PRDM6: variants seen among roughly 807,000 people sequenced by gnomAD.
The protein encoded by PRDM6 is PR/SET domain 6, also known as putative histone-lysine N-methyltransferase PRDM6.
PRDM6 carries 25 observed loss-of-function variants against 60.8 expected under a neutral mutation model. The observed-to-expected ratio is 0.41, with a 90% CI of 0.30 to 0.57. The LOEUF is 0.57. Among genes scored for constraint, PRDM6 ranks in the 20% least tolerant of loss-of-function variants. The probability of loss-of-function intolerance (pLI) is 0.27; values close to 1 mark genes in which losing one functional copy is unlikely to be tolerated. For synonymous variants in PRDM6, 407 were observed against 357.4 expected (o/e 1.14, Z -1.57); for missense variants, 839 against 821.3 (o/e 1.02, Z -0.26).
At chr5:123,177,479 A>G (rs1766043773) in intron 6 of PRDM6, among the ~76,000 whole-genome samples, 1 of 152,212 alleles carries the variant, frequency 6.6e-6, no homozygotes. Context: ...CCTAAGAATG[A>G]AGGAATATTG....
chr5:123,149,999 G>A (rs547985516), intron 3 of PRDM6, among the ~76,000 whole-genome samples: 1 of 152,176 alleles, frequency 6.6e-6, no homozygotes, highest in East Asian at 1.9e-4. Context: ...AATATATTGT[G>A]GCCAGTGTCC....
chr5:123,097,646 A>C (rs1416177611), intron 2 of PRDM6, among the ~76,000 whole-genome samples: 1 of 152,000 alleles, frequency 6.6e-6, no homozygotes, highest in East Asian at 1.9e-4. Flanking sequence ...ACAATCAATA[A>C]GCTTGAGAGG....
chr5:123,167,266 C>G (rs1191448015), intron 5 of PRDM6, among the ~76,000 whole-genome samples: 1 of 152,094 alleles, frequency 6.6e-6, no homozygotes, highest in Non-Finnish European at 1.5e-5. Context: ...TTCTACCAAA[C>G]TGTAAATTTC....
In PRDM6 at chr5:123,094,103, G is replaced by GT. The variant is rs753207118; in HGVS notation, c.592+3500dup. Among the ~76,000 whole-genome samples the GT allele has an allele frequency of 2.6e-4, 39 of 152,112 alleles. 1 individual carries two copies. The highest frequency in any genetic ancestry group is 5.0e-4 in the Non-Finnish European group (34 of 68,016). On this transcript the variant is annotated intron_variant, in intron 2 of 7. Coordinates refer to ENST00000407847, the MANE Select transcript of PRDM6 (RefSeq NM_001136239.4). ...GTTGGGAACACCAGGCTTTCCAAGG[G>GT]TTTAGGGAGAGGGGCTGGGGAGAGA...
intron 3 of PRDM6, among the ~76,000 whole-genome samples, chr5:123,121,175 A>G (rs941031154): frequency 2.0e-5 from 3 of 152,234 alleles, no homozygotes; most frequent in African/African-American, 7.2e-5. Flanking sequence ...TCTTTAAACC[A>G]CTTGGCTCCC....
At chr5:123,146,942 A>G (rs1765253117) in intron 3 of PRDM6, among the ~76,000 whole-genome samples, 1 of 152,204 alleles carries the variant, frequency 6.6e-6, no homozygotes, top group African/African-American at 2.4e-5. Context: ...ATGGCACTTA[A>G]TAAATAAAAG....
At chr5:123,179,640 C>G (rs866992789) in intron 6 of PRDM6, among the ~76,000 whole-genome samples, 7 of 152,084 alleles carry the variant, frequency 4.6e-5, no homozygotes, top group Non-Finnish European at 4.4e-5. Flanking sequence ...GCTTGTGTCC[C>G]GGGAGGACAG....
intron 3 of PRDM6, among the ~76,000 whole-genome samples, chr5:123,123,982 A>T (rs1764639634): frequency 6.6e-6 from 1 of 152,208 alleles, no homozygotes; most frequent in African/African-American, 2.4e-5. Flanking sequence ...AGTAGGTGAC[A>T]TTCCTTAAAC....
At chr5:123,098,625 G>A (rs890430459) in intron 2 of PRDM6, among the ~76,000 whole-genome samples, 5 of 152,246 alleles carry the variant, frequency 3.3e-5, no homozygotes, top group Non-Finnish European at 5.9e-5. Context: ...CTGCTTTGGA[G>A]AGTGTCGGAG....
intron 5 of PRDM6, among the ~76,000 whole-genome samples, chr5:123,164,844 C>G (rs1458489607): frequency 6.6e-6 from 1 of 152,100 alleles, no homozygotes; most frequent in Non-Finnish European, 1.5e-5. Context: ...CAGGAATTAC[C>G]TTTAGCCCAC....
At chr5:123,179,963 GCT>G (rs1267791519) in intron 6 of PRDM6, among the ~76,000 whole-genome samples, 182 bp from the exon 7 acceptor site, 1 of 152,196 alleles carries the variant, frequency 6.6e-6, no homozygotes, top group Non-Finnish European at 1.5e-5. Context: ...TGTCTCAGCA[GCT>G]CTGTGAATTT....
Position 123,190,212 on chromosome 5 carries a change from A to C in PRDM6, c.*3011A>C, listed in dbSNP as rs1766380778. On this transcript the variant is annotated 3_prime_UTR_variant, in exon 8 of 8. Transcript: ENST00000407847. ...ATAATAATAATTTTTTCAGAATAAG[A>C]CTTTTCATCCTAGCGTATGTTCCTT... 1 of 152,148 alleles carries C rather than the reference A, an allele frequency of 6.6e-6. No individual in the cohort carries two copies. 9.4% of individuals were successfully genotyped at this position (152,148 alleles called of 1,614,324 possible).
At chr5:123,104,732 T>TG (rs1475650338) in intron 3 of PRDM6, among the ~76,000 whole-genome samples, 1 of 152,248 alleles carries the variant, frequency 6.6e-6, no homozygotes, top group Non-Finnish European at 1.5e-5. Context: ...TCTCTGGCTT[T>TG]GCCTCATTTG....
In PRDM6 at chr5:123,099,563, G is replaced by C. The variant is rs926104773; in HGVS notation, c.593-91G>C. ...GTGGCTTACCCAGGCGGGCGGTGAT[G>C]CTGTTGTCTCGGGAGTTTACTCAAA... is the stretch of plus-strand genomic sequence containing the variant. On this transcript the variant is annotated intron_variant, in intron 2 of 7. Transcript: ENST00000407847. The surrounding 1 kb of genome is among the most constrained non-coding windows in gnomAD (Gnocchi z 4.0). 1.3e-5 allele frequency: 16 copies of C among 1,223,740 alleles called. No individual in the cohort carries two copies. Among genetic ancestry groups the C allele is most frequent in the Non-Finnish European group, 1.6e-5 (15 of 915,684 alleles). The allele number at this position is 1,223,740 out of a possible 1,614,324, so 75.8% of individuals were successfully genotyped here.
intron 1 of PRDM6, among the ~76,000 whole-genome samples, chr5:123,089,725 G>C (rs1324590418): frequency 2.0e-5 from 3 of 152,140 alleles, no homozygotes; most frequent in South Asian, 2.1e-4. Context: ...AGTTCTACGG[G>C]GCAGCGCCCT....
chr5:123,178,719 G>A (rs1766072725), intron 6 of PRDM6, among the ~76,000 whole-genome samples: 1 of 152,216 alleles, frequency 6.6e-6, no homozygotes, highest in Non-Finnish European at 1.5e-5. Context: ...TCAGTGTGCT[G>A]AAGCCTGGTA....
At chr5:123,092,889 A>G (rs1413931568) in intron 2 of PRDM6, among the ~76,000 whole-genome samples, 1 of 152,238 alleles carries the variant, frequency 6.6e-6, no homozygotes, top group Non-Finnish European at 1.5e-5. Flanking sequence ...TTTTACAAAG[A>G]TGAAACGTGA....
intron 3 of PRDM6, among the ~76,000 whole-genome samples, chr5:123,114,597 A>G (rs765900198): frequency 2.0e-5 from 3 of 152,356 alleles, no homozygotes; most frequent in Non-Finnish European, 2.9e-5. Context: ...TAAATGTAGA[A>G]TTCAACATTG....
chr5:123,125,636 A>G (rs1387137797), intron 3 of PRDM6, among the ~76,000 whole-genome samples: 1 of 152,196 alleles, frequency 6.6e-6, no homozygotes, highest in Non-Finnish European at 1.5e-5. Context: ...GGCTGGGGGA[A>G]ATTGGAATTA....
Sources: allele counts gnomAD v4.1 joint callset (sites outside exome capture counted in the v4.1 genomes callset), GRCh38; gene constraint gnomAD v4.1.1; non-coding constraint Gnocchi (gnomAD v3.1); transcripts MANE v1.5; gene names NCBI Gene and HGNC (gene_info 2026-07-23, HGNC 2026-07-21).